The following KCNQ5 variants were observed in gnomAD, a reference collection of about 807,000 sequenced individuals.
The protein encoded by KCNQ5 is potassium voltage-gated channel subfamily KQT member 5.
Under a neutral mutation model 98.2 loss-of-function variants are expected in KCNQ5, and 30 were observed. The ratio of observed to expected loss-of-function variants is 0.31; its 90% confidence interval spans 0.23 to 0.41. The LOEUF (loss-of-function observed/expected upper bound fraction) is 0.41, where lower values mean the gene tolerates loss of function less well. KCNQ5 is among the 10% of genes least tolerant of loss of function. KCNQ5 has a pLI of 1.00. For synonymous variants in KCNQ5, 458 were observed against 449.4 expected (o/e 1.02, Z -0.24); for missense variants, 835 against 1,182.5 (o/e 0.71, Z 4.31).
chr6:73,017,767 A>G (rs1770417435), intron 2 of KCNQ5, among the ~76,000 whole-genome samples: 1 of 152,172 alleles, frequency 6.6e-6, no homozygotes, highest in Non-Finnish European at 1.5e-5. Context: ...CTGAAGACTA[A>G]TTTAGGGAGA....
At chr6:72,831,567 C>T (rs1478637703) in intron 1 of KCNQ5, among the ~76,000 whole-genome samples, 3 of 124,368 alleles carry the variant, frequency 2.4e-5, no homozygotes, top group South Asian at 2.8e-4. Flanking sequence ...CATCACACAC[C>T]GGGGCCTGTC....
At chr6:72,702,176 T>G (rs543934080) in intron 1 of KCNQ5, among the ~76,000 whole-genome samples, 1 of 152,340 alleles carries the variant, frequency 6.6e-6, no homozygotes, top group South Asian at 2.1e-4. Flanking sequence ...TCTTCTTAAT[T>G]TGTAATATTG....
intron 1 of KCNQ5, among the ~76,000 whole-genome samples, chr6:72,748,325 C>T (rs571544166): frequency 3.2e-4 from 49 of 152,208 alleles, no homozygotes; most frequent in African/African-American, 1.1e-3. Context: ...CTTTCTGTCA[C>T]AGAACTGTGC....
chr6:73,125,834 C>G (rs368041002), intron 9 of KCNQ5, among the ~76,000 whole-genome samples: 1 of 782 alleles, frequency 1.3e-3, no homozygotes, highest in Non-Finnish European at 2.7e-3. Flanking sequence ...TTTGGTAGCT[C>G]TAACTACCAA....
In KCNQ5 at chr6:73,054,998, G is replaced by C. The variant is rs185113351; in HGVS notation, c.616+12936G>C. On this transcript the variant is annotated intron_variant, in intron 3 of 13. Transcript: ENST00000370398. ...ATAAACAACTTCAGCAAAGCTTCAG[G>C]ATACAAAGTCAATGTACAAAAATCA... 6.6e-6 allele frequency: 3 copies of C among 454,456 alleles called. No individual in the cohort carries two copies. The East Asian group carries it at 1.4e-4, about 22-fold the overall frequency. 28.2% of individuals were successfully genotyped at this position (454,456 alleles called of 1,614,324 possible).
chr6:72,743,756 C>G (rs567398892), intron 1 of KCNQ5, among the ~76,000 whole-genome samples: 4 of 152,296 alleles, frequency 2.6e-5, no homozygotes, highest in African/African-American at 9.6e-5. Context: ...TGACGAACTG[C>G]GGACTCTAAT....
chr6:72,951,444 A>ATTT (rs112394660), intron 1 of KCNQ5, among the ~76,000 whole-genome samples: 7 of 135,180 alleles, frequency 5.2e-5, no homozygotes, highest in African/African-American at 1.4e-4. Flanking sequence ...CACCCAGCAA[A>ATTT]TTTTTTTTTT....
At chr6:72,754,565 A>G (rs1350765787) in intron 1 of KCNQ5, among the ~76,000 whole-genome samples, 1 of 152,140 alleles carries the variant, frequency 6.6e-6, no homozygotes, top group Non-Finnish European at 1.5e-5. Flanking sequence ...GACAGGGACC[A>G]AGGATGCTGC....
At position 73,198,480 on chromosome 6, in the gene KCNQ5, G is replaced by T. The variant is rs1765872616; in HGVS notation, c.*3066G>T. ...GAGAGGAGGAAATCAGGCACAAATTGACCAATTCTCATGCCATTTGCAAAG... is the reference window on the plus strand; with the variant it reads ...GAGAGGAGGAAATCAGGCACAAATTTACCAATTCTCATGCCATTTGCAAAG... On this transcript the variant is annotated 3_prime_UTR_variant, in exon 14 of 14. Transcript: ENST00000370398. 1 of 152,174 alleles carries T rather than the reference G, an allele frequency of 6.6e-6. No individual in the cohort carries two copies. The highest frequency in any genetic ancestry group is 1.5e-5 in the Non-Finnish European group (1 of 68,038). 9.4% of individuals were successfully genotyped at this position (152,174 alleles called of 1,614,324 possible). A position where few individuals can be genotyped will look rare whatever the true frequency, so the allele number is the denominator to read the frequency against.
At chr6:72,813,713 A>G (rs1775359634) in intron 1 of KCNQ5, among the ~76,000 whole-genome samples, 1 of 152,224 alleles carries the variant, frequency 6.6e-6, no homozygotes, top group Non-Finnish European at 1.5e-5. Context: ...AGTATTGTAT[A>G]TGGCCAAAGC....
chr6:73,116,200 T>C (rs1013366476), intron 7 of KCNQ5, among the ~76,000 whole-genome samples: 1 of 152,158 alleles, frequency 6.6e-6, no homozygotes, highest in African/African-American at 2.4e-5. Context: ...GTCATAATAA[T>C]ATTAAATAGT....
intron 1 of KCNQ5, among the ~76,000 whole-genome samples, chr6:72,918,757 C>T (rs987518591): frequency 1.3e-5 from 2 of 151,966 alleles, no homozygotes; most frequent in African/African-American, 4.8e-5. Flanking sequence ...AATTGGGGGC[C>T]CCTATGCTGT....
At chr6:72,919,372 A>G (rs567180751) in intron 1 of KCNQ5, among the ~76,000 whole-genome samples, 7 of 152,364 alleles carry the variant, frequency 4.6e-5, no homozygotes, top group African/African-American at 1.7e-4. Flanking sequence ...TAGTAGTCAC[A>G]TAAACAAAAA....
intron 1 of KCNQ5, among the ~76,000 whole-genome samples, chr6:72,982,487 C>CTTTTTTTTTTTTTTT (rs141947372): frequency 5.0e-5 from 3 of 60,294 alleles, no homozygotes; most frequent in African/African-American, 1.5e-4. Context: ...GCAACCCCTG[C>CTTTTTTTTTTTTTTT]TTTTTTTTTT....
intron 7 of KCNQ5, among the ~76,000 whole-genome samples, chr6:73,119,842 A>G (rs1174971156): frequency 1.3e-5 from 2 of 152,174 alleles, no homozygotes; most frequent in Non-Finnish European, 2.9e-5. Context: ...CCAGTCAATC[A>G]TTACTTTTTG....
intron 1 of KCNQ5, among the ~76,000 whole-genome samples, chr6:72,880,982 G>A (rs944583294): frequency 3.3e-5 from 5 of 152,156 alleles, no homozygotes; most frequent in African/African-American, 7.2e-5. Context: ...GGAGCAGAGA[G>A]GATTAAAGAT....
At chr6:73,144,445 C>T (rs533084379) in intron 10 of KCNQ5, among the ~76,000 whole-genome samples, 8 of 152,262 alleles carry the variant, frequency 5.3e-5, no homozygotes, top group South Asian at 2.1e-4. Context: ...CTGAGATTTG[C>T]GTCTTTCATT....
chr6:73,023,022 T>C (rs1770674947), intron 2 of KCNQ5, among the ~76,000 whole-genome samples: 2 of 152,186 alleles, frequency 1.3e-5, no homozygotes, highest in South Asian at 4.1e-4. Flanking sequence ...TTGAGAAAGA[T>C]AATTTTGACT....
chr6:73,055,397 G>A, intron 3 of KCNQ5: 2 of 1,507,044 alleles, frequency 1.3e-6, no homozygotes, highest in Non-Finnish European at 1.8e-6. Flanking sequence ...AGCAGAAACT[G>A]CTGCAAAACA....
Sources: gnomAD v4.1 joint callset for allele counts (sites outside exome capture counted in the v4.1 genomes callset) on GRCh38, gnomAD v4.1.1 for gene constraint, MANE v1.5 for transcripts, NCBI Gene and HGNC (gene_info 2026-07-23, HGNC 2026-07-21) for gene names.